WDPCP: variants seen among roughly 807,000 people sequenced by gnomAD.
WDPCP encodes WD repeat-containing and planar cell polarity effector protein fritz homolog.
A neutral mutation model predicts 93.1 loss-of-function variants in WDPCP; 71 were observed. The ratio of observed to expected loss-of-function variants is 0.76; its 90% CI spans 0.63 to 0.93. WDPCP has a LOEUF of 0.93. WDPCP is among the 40% of genes least tolerant of loss of function. The probability of loss-of-function intolerance (pLI) is 0.00; values close to 1 mark genes in which losing one functional copy is unlikely to be tolerated. For missense variants in WDPCP, 844 were observed against 887.4 expected (o/e 0.95, Z 0.62); for synonymous variants, 315 against 315.0 (o/e 1.00, Z 0.00).
At chr2:63,623,733 T>C (rs1370179078) in intron 3 of WDPCP, among the ~76,000 whole-genome samples, 1 of 152,178 alleles carries the variant, frequency 6.6e-6, no homozygotes, top group African/African-American at 2.4e-5. Flanking sequence ...CACACAATAA[T>C]AGTGGGAGTC....
chr2:63,175,742 G>C (rs369137389), intron 14 of WDPCP, among the ~76,000 whole-genome samples: 4 of 152,120 alleles, frequency 2.6e-5, no homozygotes, highest in Non-Finnish European at 5.9e-5. Context: ...AGGTTTATCC[G>C]TGTTGTAGTA....
chr2:63,404,921 G>A (rs1694451231), intron 9 of WDPCP, among the ~76,000 whole-genome samples: 1 of 152,152 alleles, frequency 6.6e-6, no homozygotes. Context: ...TAAACTATAA[G>A]ATTTTAACTT....
chr2:63,607,559 G>A (rs956546945), intron 3 of WDPCP, among the ~76,000 whole-genome samples: 2 of 149,236 alleles, frequency 1.3e-5, no homozygotes, highest in African/African-American at 5.0e-5. Context: ...GACTGGGCGC[G>A]GTGGCTCCCG....
intron 2 of WDPCP, among the ~76,000 whole-genome samples, chr2:63,806,497 A>T (rs1250780368): frequency 6.6e-6 from 1 of 152,226 alleles, no homozygotes; most frequent in Non-Finnish European, 1.5e-5. Context: ...AGTTTCGGGC[A>T]CCATTGTCAT....
chr2:63,462,164 G>A (rs1326519085), intron 6 of WDPCP, among the ~76,000 whole-genome samples: 1 of 152,182 alleles, frequency 6.6e-6, no homozygotes, highest in Non-Finnish European at 1.5e-5. Context: ...GGAGTACTAT[G>A]CAGCCATAAA....
At chr2:63,336,804 T>C (rs1401109116) in intron 12 of WDPCP, among the ~76,000 whole-genome samples, 1 of 151,816 alleles carries the variant, frequency 6.6e-6, no homozygotes, top group Non-Finnish European at 1.5e-5. Context: ...AATAAATATA[T>C]TTATATATAT....
intron 14 of WDPCP, among the ~76,000 whole-genome samples, chr2:63,254,649 C>T (rs1397204769): frequency 6.6e-6 from 1 of 152,088 alleles, no homozygotes; most frequent in African/African-American, 2.4e-5. Flanking sequence ...AATGTTACAA[C>T]CAAAATATTC....
intron 2 of WDPCP, among the ~76,000 whole-genome samples, chr2:63,750,819 T>G (rs993632318): frequency 6.6e-6 from 1 of 152,198 alleles, no homozygotes; most frequent in Non-Finnish European, 1.5e-5. Flanking sequence ...TACATTTTTG[T>G]GACATACCCT....
chr2:63,446,358 A>T (rs184134654), intron 6 of WDPCP, among the ~76,000 whole-genome samples: 2 of 152,292 alleles, frequency 1.3e-5, no homozygotes, highest in Admixed American at 1.3e-4. Context: ...ATGTGTTCTC[A>T]ACTGGGGATG....
chr2:63,141,167 C>T (rs573674494), intron 17 of WDPCP, among the ~76,000 whole-genome samples: 50 of 152,206 alleles, frequency 3.3e-4, no homozygotes, highest in African/African-American at 1.1e-3. Context: ...CAACCTCCGC[C>T]TCCTGGGTTC....
chr2:63,468,217 A>G (rs1439959256), intron 6 of WDPCP, among the ~76,000 whole-genome samples: 1 of 152,124 alleles, frequency 6.6e-6, no homozygotes, highest in Non-Finnish European at 1.5e-5. Flanking sequence ...ATCATAGTTT[A>G]AAAGCTCTCC....
At chr2:63,590,306 A>G (rs6546019), upstream of WDPCP, 122,234 of 152,172 alleles carry the variant, frequency 0.8, 49,755 homozygotes, top group East Asian at 0.98. Context: ...TCGAGACCCA[A>G]AGAGAATGTG....
intron 15 of WDPCP, among the ~76,000 whole-genome samples, chr2:63,164,736 A>G (rs1672847571): frequency 6.6e-6 from 1 of 152,214 alleles, no homozygotes; most frequent in Non-Finnish European, 1.5e-5. Flanking sequence ...ATGTGTATGT[A>G]TAAAGACGTA....
intron 14 of WDPCP, among the ~76,000 whole-genome samples, chr2:63,226,902 G>C (rs1328417775): frequency 6.6e-6 from 1 of 151,922 alleles, no homozygotes; most frequent in Non-Finnish European, 1.5e-5. Context: ...CTAATTGAAA[G>C]TTAACAGAAA....
chr2:63,648,393 G>C (rs917150931), intron 3 of WDPCP, among the ~76,000 whole-genome samples: 8 of 152,068 alleles, frequency 5.3e-5, no homozygotes, highest in African/African-American at 1.4e-4. Flanking sequence ...TTTTTTTGAA[G>C]TATTATTTAT....
the WDPCP span, among the ~76,000 whole-genome samples, chr2:63,833,058 G>T: frequency 7.2e-5 from 11 of 152,130 alleles, no homozygotes; most frequent in Non-Finnish European, 1.5e-4. Flanking sequence ...TTCAGGACCG[G>T]CCTGGCCAAC....
chr2:63,230,633 C>G (rs1678779036), intron 14 of WDPCP, among the ~76,000 whole-genome samples: 2 of 152,164 alleles, frequency 1.3e-5, no homozygotes, highest in African/African-American at 4.8e-5. Flanking sequence ...GCCATTCTAA[C>G]TGGTGTGAGA....
intron 15 of WDPCP, among the ~76,000 whole-genome samples, chr2:63,164,903 A>AT (rs1244895488): frequency 5.9e-5 from 9 of 152,168 alleles, no homozygotes; most frequent in African/African-American, 1.9e-4. Context: ...AAATCCTCCA[A>AT]AGAAATTACA....
intron 13 of WDPCP, among the ~76,000 whole-genome samples, chr2:63,285,894 C>A (rs1204735958): frequency 2.0e-5 from 3 of 152,134 alleles, no homozygotes; most frequent in African/African-American, 7.2e-5. Context: ...AACCAACTGA[C>A]CTAATTATCA....
Sources: gnomAD v4.1 joint callset for allele counts (sites outside exome capture counted in the v4.1 genomes callset) on GRCh38, gnomAD v4.1.1 for gene constraint, MANE v1.5 for transcripts, NCBI Gene and HGNC (gene_info 2026-07-23, HGNC 2026-07-21) for gene names.